Variants in ZNF274 observed in about 807,000 individuals in gnomAD.
ZNF274 encodes the protein zinc finger protein 274, also known as neurotrophin receptor-interacting factor homolog.
A neutral mutation model predicts 42.5 loss-of-function variants in ZNF274; 23 were observed. The observed-to-expected ratio is 0.54, with a 90% CI of 0.39 to 0.77. The LOEUF (loss-of-function observed/expected upper bound fraction) is 0.77. ZNF274 is among the 30% of genes least tolerant of loss of function. The pLI is 0.00. For missense variants in ZNF274, 679 were observed against 806.5 expected (o/e 0.84, Z 1.91); for synonymous variants, 292 against 305.4 (o/e 0.96, Z 0.46).
intron 1 of ZNF274, 90 bp from the exon 2 acceptor site, chr19:58,183,831 C>A: frequency 1.2e-6 from 1 of 843,832 alleles, no homozygotes; most frequent in Non-Finnish European, 1.8e-6. Context: ...TCATTTCCCG[C>A]TGAGGGAGCC....
At position 58,212,912 on chromosome 19, in the gene ZNF274, C is replaced by G. The variant is rs1482490833; in HGVS notation, c.1731C>G (p.Ala577=). 3.7e-6 allele frequency: 6 copies of G among 1,613,882 alleles called. No homozygotes were observed. The highest frequency in any genetic ancestry group is 3.4e-6 in the Non-Finnish European group (4 of 1,179,902). The change falls in exon 8 of 8, where the codon GCC becomes GCG. Residue 577 remains alanine, a synonymous_variant. Coordinates refer to ENST00000617501, the MANE Select transcript of ZNF274 (RefSeq NM_133502.3). This position sits in a 1 kb window ranked among gnomAD's most constrained non-coding sequence, Gnocchi z 4.6. ...GGAGGACCTTCAATGATCGCTCAGCCATCTCCCAGCACCTGAGGACTCACA... is the reference window on the plus strand; with the variant it reads ...GGAGGACCTTCAATGATCGCTCAGCGATCTCCCAGCACCTGAGGACTCACA... ...ECGRTFNDRS[A]ISQHLRTHTG... is the part of the protein sequence containing the mutation.
At chr19:58,201,796 TGAG>T in intron 4 of ZNF274, among the ~76,000 whole-genome samples, 1 of 152,198 alleles carries the variant, frequency 6.6e-6, no homozygotes, top group African/African-American at 2.4e-5. Flanking sequence ...ATTACAGGCA[TGAG>T]TCACCGCACC....
chr19:58,207,780 A>G lies in ZNF274; in HGVS notation c.739+578A>G, dbSNP rs1209936286. 1.3e-5 allele frequency among the ~76,000 whole-genome samples: 2 copies of G among 152,254 alleles called. No individual in the cohort carries two copies. Among genetic ancestry groups the G allele is most frequent in the African/African-American group, 2.4e-5 (1 of 41,468 alleles). On this transcript the variant is annotated intron_variant, in intron 5 of 7. Coordinates refer to ENST00000617501, the MANE Select transcript of ZNF274 (RefSeq NM_133502.3). The surrounding 1 kb of genome is among the most constrained non-coding windows in gnomAD (Gnocchi z 5.6). The stretch of plus-strand genomic sequence containing the variant: ...GGTTATGTTTGTGATGGAAGGGAGC[A>G]GAGGTTGGAGCTGGCACTGCCAGTG...
At chr19:58,201,547 T>A (rs2075911657) in intron 4 of ZNF274, among the ~76,000 whole-genome samples, 1 of 151,446 alleles carries the variant, frequency 6.6e-6, no homozygotes, top group South Asian at 2.1e-4. Context: ...GATGGAGTCT[T>A]GCACTGTCGC....
chr19:58,186,885 T>C (rs934105032), intron 3 of ZNF274, 62 bp from the exon 4 acceptor site: 1 of 1,442,576 alleles, frequency 6.9e-7, no homozygotes, highest in African/African-American at 1.4e-5. Flanking sequence ...TGTGCTGCAG[T>C]AGGATAGCAT....
Position 58,184,318 on chromosome 19 carries a change from C to T in ZNF274, c.33+320C>T, listed in dbSNP as rs897657063. The T allele has an allele frequency of 3.5e-5, 9 of 258,710 alleles. No homozygotes were observed. In the Admixed American group the frequency reaches 4.1e-4, roughly 12 times the overall value. 16.0% of individuals were successfully genotyped at this position (258,710 alleles called of 1,614,324 possible). A position where few individuals can be genotyped will look rare whatever the true frequency, so the allele number is the denominator to read the frequency against. On this transcript the variant is annotated intron_variant, in intron 2 of 7. Transcript: ENST00000617501. Reference sequence around the variant, plus strand: ...TGTTTTTTGTTTTTTGAGATGGAGTCTCCCTCTGTCGCCCAGGCTGGAGTG... The same window carrying T: ...TGTTTTTTGTTTTTTGAGATGGAGTTTCCCTCTGTCGCCCAGGCTGGAGTG...
chr19:58,189,648 C>T (rs184117397), intron 4 of ZNF274, among the ~76,000 whole-genome samples: 40 of 152,214 alleles, frequency 2.6e-4, no homozygotes, highest in Middle Eastern at 3.4e-3. Flanking sequence ...CTGGCTTTAG[C>T]GATCTATTTC....
chr19:58,186,535 C>CA (rs10695409), intron 3 of ZNF274, among the ~76,000 whole-genome samples: 1,668 of 102,180 alleles, frequency 0.016, 60 homozygotes, highest in Non-Finnish European at 0.023. Flanking sequence ...GACTCCGTCT[C>CA]AAAAAAAAAA....
chr19:58,204,932 T>G (rs954796971), intron 4 of ZNF274, among the ~76,000 whole-genome samples: 1 of 152,028 alleles, frequency 6.6e-6, no homozygotes, highest in Non-Finnish European at 1.5e-5. Context: ...AAGACGTGCA[T>G]TCATAAGGAA....
chr19:58,196,028 G>T (rs1249154642), intron 4 of ZNF274, among the ~76,000 whole-genome samples: 1 of 152,240 alleles, frequency 6.6e-6, no homozygotes, highest in African/African-American at 2.4e-5. Context: ...GGAAAGCACT[G>T]AATGAGGAAT....
chr19:58,206,912 A>G lies in ZNF274; in HGVS notation c.449A>G (p.Gln150Arg), dbSNP rs45580533. Residue 150 changes from glutamine to arginine, a missense_variant, in exon 5 of 8, where the codon CAG becomes CGG. Gln to Arg is a conservative substitution (Grantham distance 43). Transcript: ENST00000617501. Reference protein sequence around the residue: ...ADAPSEQVQQQGKHPGDPEAA... With the variant: ...ADAPSEQVQQRGKHPGDPEAA... ...GCCCCCAGTGAGCAGGTCCAACAGC[A>G]GGGCAAGCATCCAGGTGACCCTGAG... The G allele has an allele frequency of 0.016, 26,536 of 1,613,374 alleles. 262 individuals carry two copies. The highest frequency in any genetic ancestry group is 0.019 in the Non-Finnish European group (22,767 of 1,179,598).
Position 58,207,784 on chromosome 19 carries a change from G to C in ZNF274, c.739+582G>C, listed in dbSNP as rs577119446. 6.6e-6 allele frequency among the ~76,000 whole-genome samples: 1 copy of C among 152,258 alleles called. No individual in the cohort carries two copies. The highest frequency in any genetic ancestry group is 2.4e-5 in the African/African-American group (1 of 41,466). On this transcript the variant is annotated intron_variant, in intron 5 of 7. Transcript: ENST00000617501. The surrounding 1 kb of genome is among the most constrained non-coding windows in gnomAD (Gnocchi z 5.6). ...ATGTTTGTGATGGAAGGGAGCAGAG[G>C]TTGGAGCTGGCACTGCCAGTGGGGA...
intron 6 of ZNF274, 163 bp downstream of exon 6, chr19:58,210,236 A>G (rs76616644): frequency 0.013 from 7,001 of 551,468 alleles, 56 homozygotes; most frequent in Non-Finnish European, 0.018. Context: ...CTGAGTATGA[A>G]GAGCAGCCCT....
In ZNF274 at chr19:58,207,321, A is replaced by G; in HGVS notation, c.739+119A>G. ...ATGGGAAGGATTGTGTCCGCTCCAT[A>G]CAGACCAAGGACATCCATGTTGCCC... On this transcript the variant is annotated intron_variant, in intron 5 of 7. Coordinates refer to ENST00000617501, the MANE Select transcript of ZNF274 (RefSeq NM_133502.3). The surrounding 1 kb of genome is among the most constrained non-coding windows in gnomAD (Gnocchi z 5.6). 7.0e-7 allele frequency: 1 copy of G among 1,428,376 alleles called. No homozygotes were observed. Among genetic ancestry groups the G allele is most frequent in the Non-Finnish European group, 9.3e-7 (1 of 1,078,814 alleles). The allele number at this position is 1,428,376 out of a possible 1,614,324, so 88.5% of individuals were successfully genotyped here.
At chr19:58,204,273 A>C (rs1371913104) in intron 4 of ZNF274, among the ~76,000 whole-genome samples, 1 of 151,834 alleles carries the variant, frequency 6.6e-6, no homozygotes, top group African/African-American at 2.4e-5. Flanking sequence ...CGGTACCGGA[A>C]GCCCGTGTCT....
Position 58,207,465 on chromosome 19 carries a change from A to G in ZNF274, c.739+263A>G, listed in dbSNP as rs1412443848. On this transcript the variant is annotated intron_variant, in intron 5 of 7. Transcript: ENST00000617501. This position sits in a 1 kb window ranked among gnomAD's most constrained non-coding sequence, Gnocchi z 5.6. ...ATCCCTCTGGCATCCCTGCTGCACC[A>G]TAAGCCCTGTAGCACTTGATAAGAT... 6.6e-6 allele frequency among the ~76,000 whole-genome samples: 1 copy of G among 152,202 alleles called. No individual in the cohort carries two copies. The highest frequency in any genetic ancestry group is 1.9e-4 in the East Asian group (1 of 5,194).
chr19:58,211,946 G>A lies in ZNF274; in HGVS notation c.980-215G>A, dbSNP rs142670473. Among the ~76,000 whole-genome samples, 1,109 of 152,244 alleles carry A rather than the reference G, an allele frequency of 7.3e-3. 5 individuals are homozygous for A. Among genetic ancestry groups the A allele is most frequent in the Non-Finnish European group, 0.013 (854 of 68,008 alleles). ...AGAGAACAGGAACTCGAAGAGCTCG[G>A]AGGACACTCCCTGCCCTTCCTGTCC... On this transcript the variant is annotated intron_variant, in intron 7 of 7. Coordinates refer to ENST00000617501, the MANE Select transcript of ZNF274 (RefSeq NM_133502.3). The surrounding 1 kb of genome is among the most constrained non-coding windows in gnomAD (Gnocchi z 4.8).
chr19:58,189,301 T>A (rs2075750562), intron 4 of ZNF274, among the ~76,000 whole-genome samples: 1 of 152,226 alleles, frequency 6.6e-6, no homozygotes, highest in South Asian at 2.1e-4. Flanking sequence ...ATAGGTAGAT[T>A]ATCCAAACAC....
chr19:58,186,830 G>C (rs1298176555), intron 3 of ZNF274, 117 bp from the exon 4 acceptor site: 1 of 822,252 alleles, frequency 1.2e-6, no homozygotes, highest in African/African-American at 1.7e-5. Context: ...CACTGCTCTA[G>C]GCCAGAAGTC....
Sources: allele counts gnomAD v4.1 joint callset (sites outside exome capture counted in the v4.1 genomes callset), GRCh38; gene constraint gnomAD v4.1.1; non-coding constraint Gnocchi (gnomAD v3.1); transcripts MANE v1.5; gene names NCBI Gene and HGNC (gene_info 2026-07-23, HGNC 2026-07-21).